EAF2: variants seen among roughly 807,000 people sequenced by gnomAD.
EAF2 encodes the protein ELL-associated factor 2.
EAF2 carries 29 observed loss-of-function variants against 29.4 expected under a neutral mutation model. That is an observed-to-expected ratio of 0.99 (90% CI 0.73 to 1.35). The LOEUF (loss-of-function observed/expected upper bound fraction) is 1.35. EAF2 is among the 40% of genes most tolerant of loss of function. The pLI, the probability that EAF2 is intolerant of heterozygous loss-of-function variation, is 0.00. For synonymous variants in EAF2, 103 were observed against 102.5 expected, an observed-to-expected ratio of 1.00 and a Z score of -0.03; for missense variants, 292 against 312.0, an observed-to-expected ratio of 0.94 and a Z score of 0.48.
At chr3:121,843,905 C>T (rs866771345) in intron 1 of EAF2, among the ~76,000 whole-genome samples, 2 of 152,076 alleles carry the variant, frequency 1.3e-5, no homozygotes, top group African/African-American at 2.4e-5. Context: ...TTAATATGTA[C>T]TGTATTTGCT....
chr3:121,847,283 A>C (rs1053280701), intron 2 of EAF2, among the ~76,000 whole-genome samples: 2 of 152,240 alleles, frequency 1.3e-5, no homozygotes, highest in African/African-American at 4.8e-5. Context: ...CAGGAAAGAG[A>C]GGTATCTCAG....
intron 4 of EAF2, among the ~76,000 whole-genome samples, chr3:121,862,906 C>A (rs1258544697): frequency 6.6e-6 from 1 of 152,134 alleles, no homozygotes; most frequent in Non-Finnish European, 1.5e-5. Context: ...TGTTAGTTTT[C>A]CTTCTAACAG....
intron 4 of EAF2, among the ~76,000 whole-genome samples, chr3:121,864,742 G>A (rs1455556040): frequency 6.6e-6 from 1 of 152,056 alleles, no homozygotes; most frequent in African/African-American, 2.4e-5. Flanking sequence ...CTTGAGCATG[G>A]GGAGGTCAAG....
chr3:121,869,239 C>G (rs1052980182), intron 4 of EAF2, among the ~76,000 whole-genome samples: 6 of 152,034 alleles, frequency 3.9e-5, no homozygotes, highest in African/African-American at 1.4e-4. Flanking sequence ...ATTTATGGCA[C>G]TAAATGCTTA....
At chr3:121,871,418 T>C (rs1709011321) in intron 4 of EAF2, among the ~76,000 whole-genome samples, 1 of 152,034 alleles carries the variant, frequency 6.6e-6, no homozygotes, top group African/African-American at 2.4e-5. Context: ...GGAAATATTC[T>C]ATATATTGAT....
intron 2 of EAF2, among the ~76,000 whole-genome samples, chr3:121,852,030 G>A (rs1444577683): frequency 1.3e-5 from 2 of 152,124 alleles, no homozygotes; most frequent in East Asian, 1.9e-4. Context: ...GTAGATGGCA[G>A]GTGTAGAGAT....
At chr3:121,846,626 C>T (rs1036863936) in intron 2 of EAF2, among the ~76,000 whole-genome samples, 2 of 152,010 alleles carry the variant, frequency 1.3e-5, no homozygotes. Flanking sequence ...AAACAAACAA[C>T]AACAACAACA....
At chr3:121,842,016 A>T (rs12486309) in intron 1 of EAF2, among the ~76,000 whole-genome samples, 11,406 of 151,762 alleles carry the variant, frequency 0.075, 554 homozygotes, top group Middle Eastern at 0.11. Context: ...AAATAAAAAA[A>T]AAATAAAAAA....
intron 3 of EAF2, among the ~76,000 whole-genome samples, chr3:121,856,751 G>A (rs1351373070): frequency 1.3e-5 from 2 of 152,298 alleles, no homozygotes; most frequent in Non-Finnish European, 2.9e-5. Context: ...AATATGCTGG[G>A]ATTACAGGCA....
At chr3:121,882,759 A>G (rs1282506555) in intron 5 of EAF2, among the ~76,000 whole-genome samples, 2 of 150,858 alleles carry the variant, frequency 1.3e-5, no homozygotes, top group Non-Finnish European at 3.0e-5. Context: ...GTTTTTGTCT[A>G]TCAGTAATAA....
At chr3:121,863,372 TG>T (rs1708867225) in intron 4 of EAF2, among the ~76,000 whole-genome samples, 2 of 152,168 alleles carry the variant, frequency 1.3e-5, no homozygotes, top group African/African-American at 4.8e-5. Context: ...TGCTTTGTTT[TG>T]TTTACCTACT....
chr3:121,841,532 AAAAAAAAAAAAG>A (rs764628922), intron 1 of EAF2, among the ~76,000 whole-genome samples: 398 of 28,124 alleles, frequency 0.014, 11 homozygotes, highest in African/African-American at 0.03. Flanking sequence ...AAAAAAAAAA[AAAAAAAAAAAAG>A]AAAGAAAGAA....
intron 4 of EAF2, among the ~76,000 whole-genome samples, chr3:121,867,608 G>T (rs1337117380): frequency 6.6e-6 from 1 of 152,160 alleles, no homozygotes; most frequent in African/African-American, 2.4e-5. Context: ...GAAAGAATTT[G>T]TTCCTAGGAA....
intron 4 of EAF2, among the ~76,000 whole-genome samples, chr3:121,865,096 C>T (rs1708900822): frequency 6.6e-6 from 1 of 152,052 alleles, no homozygotes; most frequent in African/African-American, 2.4e-5. Flanking sequence ...TGTATCAAAG[C>T]ATAACTCAGG....
chr3:121,841,516 AAAAAAAAAAAAAAAAAAAAAAAAAAAAG>A (rs1476023767), intron 1 of EAF2, among the ~76,000 whole-genome samples: 6 of 33,998 alleles, frequency 1.8e-4, no homozygotes, highest in Non-Finnish European at 2.0e-4. Flanking sequence ...AAAAAAAAAA[AAAAAAAAAAAAAAAAAAAAAAAAAAAAG>A]AAAGAAAGAA....
chr3:121,879,903 T>A (rs897342692), intron 5 of EAF2, among the ~76,000 whole-genome samples: 4 of 152,182 alleles, frequency 2.6e-5, no homozygotes, highest in Admixed American at 2.0e-4. Flanking sequence ...CTTATGTTTT[T>A]TTTGTATCTG....
At chr3:121,852,842 A>G (rs543088707) in intron 2 of EAF2, among the ~76,000 whole-genome samples, 1 of 152,336 alleles carries the variant, frequency 6.6e-6, no homozygotes, top group Non-Finnish European at 1.5e-5. Context: ...TATAAACTCC[A>G]AAGACAAACA....
chr3:121,869,524 A>G (rs1708976674), intron 4 of EAF2, among the ~76,000 whole-genome samples: 1 of 152,194 alleles, frequency 6.6e-6, no homozygotes, highest in Admixed American at 6.5e-5. Context: ...TACAACTTCT[A>G]TCTATAATCA....
chr3:121,884,488 C>T (rs959695506), intron 5 of EAF2, among the ~76,000 whole-genome samples: 10 of 150,748 alleles, frequency 6.6e-5, no homozygotes, highest in East Asian at 2.0e-4. Context: ...AGTGCAGTGG[C>T]GTGATCTCGG....
Sources: allele counts gnomAD v4.1 joint callset (sites outside exome capture counted in the v4.1 genomes callset), GRCh38; gene constraint gnomAD v4.1.1; transcripts MANE v1.5; gene names NCBI Gene and HGNC (gene_info 2026-07-23, HGNC 2026-07-21).